MSH3: variants seen among roughly 807,000 people sequenced by gnomAD.
MSH3 encodes mutS homolog 3, also known as DNA mismatch repair protein Msh3.
A neutral mutation model predicts 123.3 loss-of-function variants in MSH3; 106 were observed. The observed-to-expected ratio is 0.86, with a 90% CI of 0.73 to 1.01. The LOEUF (loss-of-function observed/expected upper bound fraction) is 1.01, where lower values mean the gene tolerates loss of function less well. Among genes scored for constraint, MSH3 ranks in the 50% least tolerant of loss-of-function variants. MSH3 has a pLI of 0.00. For synonymous variants in MSH3, 515 were observed against 481.4 expected (o/e 1.07, Z -0.91); for missense variants, 1,459 against 1,347.6 (o/e 1.08, Z -1.29).
chr5:80,698,678 C>G (rs991872695), intron 8 of MSH3, among the ~76,000 whole-genome samples: 1 of 152,098 alleles, frequency 6.6e-6, no homozygotes, highest in Non-Finnish European at 1.5e-5. Context: ...TGGAAACCAT[C>G]ATTCTCAGCA....
rs12657015 is a variant in MSH3, at chr5:80,784,835, A to G, written c.2436-2730A>G. 5.3e-5 allele frequency among the ~76,000 whole-genome samples: 8 copies of G among 152,348 alleles called. No homozygotes were observed. In the East Asian group the frequency reaches 1.3e-3, roughly 26 times the overall value. On this transcript the variant is annotated intron_variant, in intron 17 of 23. Coordinates refer to ENST00000265081, the MANE Select transcript of MSH3 (RefSeq NM_002439.5). ...TTGATGAACTTTAATTCAGTGAGAA[A>G]TAGATAAGTTATATTCATTATGTTC...
intron 19 of MSH3, among the ~76,000 whole-genome samples, chr5:80,812,682 A>G (rs1745029987): frequency 6.7e-6 from 1 of 150,230 alleles, no homozygotes; most frequent in South Asian, 2.1e-4. Context: ...GCTGGATTCA[A>G]GTGATTCTCA....
chr5:80,875,842 C>G lies in MSH3; in HGVS notation c.3394C>G (p.Gln1132Glu), dbSNP rs1157191855. The G allele has an allele frequency of 6.2e-7, 1 of 1,606,316 alleles. No homozygotes were observed. Among genetic ancestry groups the G allele is most frequent in the Non-Finnish European group, 8.5e-7 (1 of 1,173,084 alleles). ...WTEEFNMEET[Q>E]TSLLH ...AGAGGAGTTCAACATGGAAGAAACA[C>G]AGACTTCTCTTCTTCATTAAAATGA... is the stretch of plus-strand genomic sequence containing the variant. The change falls in exon 24 of 24, where the codon CAG becomes GAG. Residue 1132 changes from glutamine to glutamate, a missense_variant. Gln to Glu is a conservative substitution (Grantham distance 29). Coordinates refer to ENST00000265081, the MANE Select transcript of MSH3 (RefSeq NM_002439.5).
At chr5:80,796,378 C>T (rs1014598779) in intron 19 of MSH3, among the ~76,000 whole-genome samples, 1 of 146,758 alleles carries the variant, frequency 6.8e-6, no homozygotes, top group Non-Finnish European at 1.5e-5. Flanking sequence ...TTCAAGCAGG[C>T]ACCTCAGAAT....
intron 8 of MSH3, 132 bp from the exon 9 acceptor site, chr5:80,725,321 T>C (rs1743262620): frequency 1.5e-6 from 1 of 651,204 alleles, no homozygotes; most frequent in Non-Finnish European, 2.7e-6. Context: ...TCTTTCTCTC[T>C]CTTTCTTCAA....
chr5:80,776,940 T>C (rs1466708623), intron 16 of MSH3, among the ~76,000 whole-genome samples: 4 of 147,000 alleles, frequency 2.7e-5, no homozygotes, highest in East Asian at 2.0e-4. Context: ...TTTTTTTTTT[T>C]CTTTTTTTTA....
intron 7 of MSH3, among the ~76,000 whole-genome samples, chr5:80,676,167 A>G (rs1282510059): frequency 6.6e-6 from 1 of 152,178 alleles, no homozygotes; most frequent in African/African-American, 2.4e-5. Flanking sequence ...AGTAGCTGGG[A>G]CTACAGTCAC....
chr5:80,670,606 C>T (rs1482920799), intron 4 of MSH3, among the ~76,000 whole-genome samples: 1 of 152,058 alleles, frequency 6.6e-6, no homozygotes, highest in Non-Finnish European at 1.5e-5. Context: ...AGTGAATAAA[C>T]CGTAATCATG....
intron 22 of MSH3, among the ~76,000 whole-genome samples, chr5:80,871,696 G>A (rs1274040270): frequency 6.6e-6 from 1 of 152,170 alleles, no homozygotes; most frequent in Admixed American, 6.6e-5. Context: ...GCAACAAAAT[G>A]AGAGTACCCA....
At chr5:80,802,978 T>A (rs371558886) in intron 19 of MSH3, among the ~76,000 whole-genome samples, 3 of 152,192 alleles carry the variant, frequency 2.0e-5, no homozygotes, top group African/African-American at 7.2e-5. Context: ...CATCTGTTGA[T>A]GGACACTTAG....
At chr5:80,718,289 A>G (rs150542773) in intron 8 of MSH3, among the ~76,000 whole-genome samples, 1 of 152,298 alleles carries the variant, frequency 6.6e-6, no homozygotes, top group East Asian at 1.9e-4. Context: ...AATTTTTAAA[A>G]TTTATATTTT....
At chr5:80,672,586 A>G (rs1439370199) in intron 5 of MSH3, among the ~76,000 whole-genome samples, 155 bp from the exon 6 acceptor site, 1 of 152,224 alleles carries the variant, frequency 6.6e-6, no homozygotes, top group African/African-American at 2.4e-5. Flanking sequence ...TTCTTAGCAA[A>G]TTATCCACCC....
At chr5:80,873,742 T>C (rs1746262357) in intron 23 of MSH3, among the ~76,000 whole-genome samples, 1 of 152,196 alleles carries the variant, frequency 6.6e-6, no homozygotes, top group African/African-American at 2.4e-5. Context: ...ATGTCACTTA[T>C]TTTGTAGATT....
chr5:80,849,699 G>A (rs763002190), intron 20 of MSH3, among the ~76,000 whole-genome samples: 19 of 152,040 alleles, frequency 1.2e-4, no homozygotes, highest in Non-Finnish European at 1.6e-4. Flanking sequence ...TACACACAGC[G>A]GGGGTCTACA....
At chr5:80,758,306 T>C (rs1743966858) in intron 12 of MSH3, among the ~76,000 whole-genome samples, 1 of 152,238 alleles carries the variant, frequency 6.6e-6, no homozygotes, top group African/African-American at 2.4e-5. Context: ...TAGTGTCTAC[T>C]ACACAAAATT....
chr5:80,853,981 TTTC>T, intron 20 of MSH3, 146 bp from the exon 21 acceptor site: 3 of 671,562 alleles, frequency 4.5e-6, no homozygotes. Context: ...TCCAACATGT[TTTC>T]TTTTGTTTAA....
At chr5:80,709,512 C>T (rs943591768) in intron 8 of MSH3, among the ~76,000 whole-genome samples, 1 of 151,996 alleles carries the variant, frequency 6.6e-6, no homozygotes, top group Non-Finnish European at 1.5e-5. Context: ...GTCCCAGCTA[C>T]TCCGGAGGCT....
intron 3 of MSH3, among the ~76,000 whole-genome samples, chr5:80,667,160 AC>A (rs1749591214): frequency 6.6e-6 from 1 of 152,198 alleles, no homozygotes; most frequent in South Asian, 2.1e-4. Flanking sequence ...TAAGGATAAA[AC>A]TTTTTTTTCC....
chr5:80,821,057 G>A (rs935148576), intron 20 of MSH3, among the ~76,000 whole-genome samples: 2 of 152,010 alleles, frequency 1.3e-5, no homozygotes, highest in African/African-American at 2.4e-5. Flanking sequence ...TATATTTCAG[G>A]GTGTTGTCAT....
Sources: allele counts gnomAD v4.1 joint callset (sites outside exome capture counted in the v4.1 genomes callset), GRCh38; gene constraint gnomAD v4.1.1; transcripts MANE v1.5; gene names NCBI Gene and HGNC (gene_info 2026-07-23, HGNC 2026-07-21).